The following NBEA variants were observed in gnomAD, a reference collection of about 807,000 sequenced individuals.
NBEA encodes neurobeachin.
Under a neutral mutation model 343.4 loss-of-function variants are expected in NBEA, and 44 were observed. That is an observed-to-expected ratio of 0.13 (90% CI 0.10 to 0.16). The LOEUF is 0.16. NBEA is among the 10% of genes least tolerant of loss of function. The pLI, the probability that NBEA is intolerant of heterozygous loss-of-function variation, is 1.00. For synonymous variants in NBEA, 1,175 were observed against 1,238.7 expected (o/e 0.95, Z 1.08); for missense variants, 2,555 against 3,631.3 (o/e 0.70, Z 7.62).
intron 28 of NBEA, among the ~76,000 whole-genome samples, chr13:35,177,463 A>T (rs1478802063): frequency 6.6e-6 from 1 of 151,828 alleles, no homozygotes; most frequent in Non-Finnish European, 1.5e-5. Flanking sequence ...TACATTATGG[A>T]TGAAAGGGAT....
At position 35,649,851 on chromosome 13, in the gene NBEA, T is replaced by C. The variant is rs1355106279; in HGVS notation, c.7963+4T>C. ...AATAGATGGCACAACACAGTAGGTA[T>C]GTGTGCCTGAGCAAATCACTTACTA... On this transcript the variant is annotated splice_donor_region_variant and intron_variant, in intron 52 of 58. Transcript: ENST00000379939. 1.9e-6 allele frequency: 3 copies of C among 1,611,908 alleles called. No homozygotes were observed. The highest frequency in any genetic ancestry group is 1.7e-6 in the Non-Finnish European group (2 of 1,179,206).
chr13:35,108,852 GGAGAA>G (rs1204205597), intron 11 of NBEA, among the ~76,000 whole-genome samples: 3 of 152,012 alleles, frequency 2.0e-5, no homozygotes, highest in Non-Finnish European at 4.4e-5. Context: ...GAGTATTTAT[GGAGAA>G]GAGAAGGCCA....
chr13:35,198,394 A>G (rs1030358485), intron 31 of NBEA, among the ~76,000 whole-genome samples: 2 of 152,150 alleles, frequency 1.3e-5, no homozygotes, highest in Admixed American at 6.6e-5. Context: ...TGTGATTTAC[A>G]TATGAAAATC....
At chr13:34,961,449 CCTAG>C (rs1172551104) in intron 1 of NBEA, among the ~76,000 whole-genome samples, 2 of 151,970 alleles carry the variant, frequency 1.3e-5, no homozygotes, top group Non-Finnish European at 2.9e-5. Flanking sequence ...TTCTTTTGCT[CCTAG>C]CTATTTCTCT....
intron 40 of NBEA, among the ~76,000 whole-genome samples, chr13:35,459,983 A>G (rs1260001347): frequency 2.6e-5 from 4 of 152,192 alleles, no homozygotes; most frequent in Non-Finnish European, 5.9e-5. Flanking sequence ...GTGCATTGCA[A>G]TTCTGATATG....
intron 43 of NBEA, 150 bp from the exon 44 acceptor site, chr13:35,554,837 A>G (rs2079510973): frequency 4.8e-6 from 2 of 419,048 alleles, no homozygotes; most frequent in African/African-American, 4.1e-5. Flanking sequence ...GCTAATTTCT[A>G]CAATTAAAAT....
chr13:35,323,717 TA>T (rs1322571708), intron 36 of NBEA, among the ~76,000 whole-genome samples: 3 of 151,468 alleles, frequency 2.0e-5, no homozygotes, highest in Non-Finnish European at 2.9e-5. Context: ...AGTATAATAA[TA>T]AATAAATAAA....
intron 1 of NBEA, among the ~76,000 whole-genome samples, chr13:34,990,293 A>G (rs1010796814): frequency 5.3e-5 from 8 of 151,150 alleles, no homozygotes; most frequent in African/African-American, 1.9e-4. Context: ...ATTCTCCATG[A>G]GGGCTCTGCC....
intron 1 of NBEA, among the ~76,000 whole-genome samples, chr13:35,007,082 A>AT (rs11308753): frequency 2.6e-5 from 4 of 151,732 alleles, no homozygotes; most frequent in African/African-American, 7.3e-5. Flanking sequence ...TGTAGATGTG[A>AT]TTTTTTTTTT....
chr13:35,262,722 T>C (rs117865503), intron 34 of NBEA, among the ~76,000 whole-genome samples: 5,412 of 152,266 alleles, frequency 0.036, 147 homozygotes, highest in Non-Finnish European at 0.054. Flanking sequence ...AGCTATTGTG[T>C]GTTGATTGTG....
At chr13:35,017,605 A>G (rs564857299) in intron 1 of NBEA, among the ~76,000 whole-genome samples, 1 of 152,220 alleles carries the variant, frequency 6.6e-6, no homozygotes, top group South Asian at 2.1e-4. Context: ...ACATTTTTAT[A>G]TCTTTTTTTG....
intron 36 of NBEA, among the ~76,000 whole-genome samples, chr13:35,322,584 C>T (rs778630046): frequency 3.5e-4 from 53 of 152,328 alleles, no homozygotes; most frequent in Non-Finnish European, 5.6e-4. Flanking sequence ...GGCCAGCCAA[C>T]GCCCCATGCT....
At chr13:35,427,411 T>C (rs1382914873) in intron 38 of NBEA, among the ~76,000 whole-genome samples, 1 of 152,190 alleles carries the variant, frequency 6.6e-6, no homozygotes, top group Non-Finnish European at 1.5e-5. Context: ...CAGACCCTGT[T>C]TGCCTGGGTA....
At position 35,671,250 on chromosome 13, in the gene NBEA, A is replaced by G; in HGVS notation, c.*259A>G. On this transcript the variant is annotated 3_prime_UTR_variant, in exon 59 of 59. Coordinates refer to ENST00000379939, the MANE Select transcript of NBEA (RefSeq NM_001385012.1). ...AGATGTTTTGGTAATTATTTCATAT[A>G]TTGTTGTTTATTGAGAAAAGGTTGT... is the stretch of plus-strand genomic sequence containing the variant. The G allele has an allele frequency of 6.1e-6, 2 of 329,382 alleles. No homozygotes were observed. Among genetic ancestry groups the G allele is most frequent in the Non-Finnish European group, 1.1e-5 (2 of 176,788 alleles). The allele number at this position is 329,382 out of a possible 1,614,324, so 20.4% of individuals were successfully genotyped here. A position where few individuals can be genotyped will look rare whatever the true frequency, so the allele number is the denominator to read the frequency against.
chr13:35,323,853 A>T (rs935719130), intron 36 of NBEA, among the ~76,000 whole-genome samples: 2 of 152,196 alleles, frequency 1.3e-5, no homozygotes, highest in African/African-American at 4.8e-5. Flanking sequence ...AATCAATGAG[A>T]AAGTTACCTA....
At chr13:35,048,508 C>G in intron 4 of NBEA, 55 bp from the exon 5 acceptor site, 9 of 1,523,682 alleles carry the variant, frequency 5.9e-6, no homozygotes, top group South Asian at 3.7e-5. Flanking sequence ...TTGACCTTAG[C>G]TACTATCACA....
intron 33 of NBEA, among the ~76,000 whole-genome samples, chr13:35,215,974 C>A (rs1039825628): frequency 4.6e-5 from 7 of 151,150 alleles, no homozygotes; most frequent in African/African-American, 1.7e-4. Flanking sequence ...GCCATAAATT[C>A]TTTGTAATTT....
At position 35,649,786 on chromosome 13, in the gene NBEA, C is replaced by T. The variant is rs759505063; in HGVS notation, c.7902C>T (p.Pro2634=). The T allele has an allele frequency of 1.2e-5, 19 of 1,614,008 alleles. No homozygotes were observed. The highest frequency in any genetic ancestry group is 1.1e-4 in the East Asian group (5 of 44,890). Residue 2634 remains proline, a synonymous_variant, in exon 52 of 59, where the codon CCC becomes CCT. Transcript: ENST00000379939. The part of the protein sequence containing the change: ...AANTLPHLTI[P]AVVTVTCSRL... ...ACACTCTGCCCCACTTGACCATCCC[C>T]GCAGTGGTGACAGTGACTTGCAGCC...
chr13:35,657,707 G>A (rs576231186), intron 55 of NBEA, among the ~76,000 whole-genome samples: 4 of 152,004 alleles, frequency 2.6e-5, no homozygotes, highest in Non-Finnish European at 5.9e-5. Flanking sequence ...TAAGCAGCAG[G>A]TCTGTGTAGT....
Sources: allele counts gnomAD v4.1 joint callset (sites outside exome capture counted in the v4.1 genomes callset), GRCh38; gene constraint gnomAD v4.1.1; transcripts MANE v1.5; gene names NCBI Gene and HGNC (gene_info 2026-07-23, HGNC 2026-07-21).